The following PTPRT variants were observed in gnomAD, a reference collection of about 807,000 sequenced individuals.
The protein encoded by PTPRT is receptor-type tyrosine-protein phosphatase T.
PTPRT carries 56 observed loss-of-function variants against 176.8 expected under a neutral mutation model. That is an observed-to-expected ratio of 0.32 (90% confidence interval 0.26 to 0.40). The LOEUF is 0.40. Ranked by LOEUF, PTPRT falls within the 10% of genes least tolerant of loss-of-function variation. The pLI is 1.00. For synonymous variants in PTPRT, 783 were observed against 739.0 expected, an observed-to-expected ratio of 1.06 and a Z score of -0.96; for missense variants, 1,540 against 1,908.2, an observed-to-expected ratio of 0.81 and a Z score of 3.60.
At chr20:42,698,375 C>T (rs910503313) in intron 6 of PTPRT, among the ~76,000 whole-genome samples, 1 of 152,138 alleles carries the variant, frequency 6.6e-6, no homozygotes, top group African/African-American at 2.4e-5. Context: ...GCTTACAGGA[C>T]CCCTCTGAAA....
At chr20:42,405,945 TCTTG>T (rs1190779607) in intron 9 of PTPRT, among the ~76,000 whole-genome samples, 2 of 152,174 alleles carry the variant, frequency 1.3e-5, no homozygotes, top group East Asian at 3.8e-4. Context: ...AGCCTTAACT[TCTTG>T]GAAACTGAAA....
rs560030328 is a variant in PTPRT, at chr20:42,107,324, T to C, written c.3255-403A>G. ...AATGACAGGACAGAAACGAGAGTCC[T>C]CTGAGCTGTCCCCAAGACAGAGAGT... On this transcript the variant is annotated intron_variant, in intron 23 of 30. Coordinates refer to ENST00000373187, the MANE Select transcript of PTPRT (RefSeq NM_007050.6). Among the ~76,000 whole-genome samples, 230 of 152,276 alleles carry C rather than the reference T, an allele frequency of 1.5e-3. 1 individual carries two copies. The highest frequency in any genetic ancestry group is 2.5e-3 in the Non-Finnish European group (169 of 68,014).
At chr20:42,474,204 T>C (rs191027864) in intron 7 of PTPRT, among the ~76,000 whole-genome samples, 72 of 152,282 alleles carry the variant, frequency 4.7e-4, no homozygotes, top group African/African-American at 1.7e-3. Context: ...AGCACCCTTA[T>C]GCAAAATGAT....
At chr20:42,065,102 CAGTCA>C in the PTPRT span, among the ~76,000 whole-genome samples, 1 of 152,228 alleles carries the variant, frequency 6.6e-6, no homozygotes, top group South Asian at 2.1e-4. Context: ...ACATCCAGCC[CAGTCA>C]AGGCTTAAAG....
At chr20:42,204,734 T>C (rs1600672893) in intron 15 of PTPRT, among the ~76,000 whole-genome samples, 2 of 152,082 alleles carry the variant, frequency 1.3e-5, no homozygotes, top group African/African-American at 4.8e-5. Context: ...CTGTGATTTG[T>C]TCTGAGTGCC....
chr20:42,469,479 A>T (rs2071156761), intron 8 of PTPRT, among the ~76,000 whole-genome samples: 1 of 152,214 alleles, frequency 6.6e-6, no homozygotes, highest in African/African-American at 2.4e-5. Context: ...CTGGGATTAC[A>T]GGGTGAGCCA....
chr20:42,726,272 T>C (rs1230247273), intron 6 of PTPRT, among the ~76,000 whole-genome samples: 1 of 151,976 alleles, frequency 6.6e-6, no homozygotes, highest in East Asian at 1.9e-4. Flanking sequence ...AGAGATGGGG[T>C]TTCACCATGT....
At chr20:42,662,258 G>A (rs1429720153) in intron 7 of PTPRT, among the ~76,000 whole-genome samples, 2 of 152,124 alleles carry the variant, frequency 1.3e-5, no homozygotes, top group Admixed American at 1.3e-4. Flanking sequence ...TATTGATAAT[G>A]AGAGAGAAAG....
At chr20:42,273,983 A>G (rs1253781398) in intron 13 of PTPRT, among the ~76,000 whole-genome samples, 2 of 152,228 alleles carry the variant, frequency 1.3e-5, no homozygotes, top group African/African-American at 4.8e-5. Context: ...GGATAAATGC[A>G]GGAATGGGGA....
At position 42,098,612 on chromosome 20, in the gene PTPRT, TGATGAGGCCTGG is replaced by T. The variant is rs1361338779; in HGVS notation, c.3715-72_3715-61del. 4.4e-5 allele frequency: 70 copies of T among 1,600,610 alleles called. No individual in the cohort carries two copies. In the African/African-American group the frequency reaches 8.8e-4, roughly 20 times the overall value. On this transcript the variant is annotated intron_variant, in intron 26 of 30. Coordinates refer to ENST00000373187, the MANE Select transcript of PTPRT (RefSeq NM_007050.6). ...ACATCCATCAGTGATATTCTGATGA[TGATGAGGCCTGG>T]ACTGAGGCCAGAGGCTCCAGAGCCT...
chr20:42,560,954 T>C (rs1324307446), intron 7 of PTPRT, among the ~76,000 whole-genome samples: 5 of 152,160 alleles, frequency 3.3e-5, no homozygotes, highest in Admixed American at 2.6e-4. Context: ...AGCCTCTTTT[T>C]ATAATGACTC....
At chr20:42,375,888 G>A (rs529268958) in intron 9 of PTPRT, among the ~76,000 whole-genome samples, 1 of 152,168 alleles carries the variant, frequency 6.6e-6, no homozygotes, top group Admixed American at 6.5e-5. Flanking sequence ...GGGGGTGCCT[G>A]CTCAGAACAT....
At chr20:42,085,952 C>CT (rs200706584) in intron 27 of PTPRT, 99 bp from the exon 28 acceptor site, 176,714 of 1,032,350 alleles carry the variant, frequency 0.17, 2,146 homozygotes, top group East Asian at 0.28. Context: ...TTTTCTTTTT[C>CT]TTTTTTTTTT....
intron 4 of PTPRT, among the ~76,000 whole-genome samples, chr20:42,773,191 A>G (rs996987555): frequency 9.2e-5 from 14 of 152,142 alleles, no homozygotes; most frequent in Admixed American, 3.3e-4. Context: ...ACCCCTTTCC[A>G]TGCTATTTTT....
chr20:42,630,643 A>G (rs1319151181), intron 7 of PTPRT, among the ~76,000 whole-genome samples: 2 of 152,214 alleles, frequency 1.3e-5, no homozygotes, highest in African/African-American at 4.8e-5. Context: ...AACTTAATTC[A>G]TCCAATGCAT....
At chr20:42,597,909 T>C (rs897383883) in intron 7 of PTPRT, among the ~76,000 whole-genome samples, 4 of 152,194 alleles carry the variant, frequency 2.6e-5, no homozygotes, top group African/African-American at 7.2e-5. Flanking sequence ...ACAGCATATA[T>C]AGACCAAAAC....
intron 2 of PTPRT, among the ~76,000 whole-genome samples, chr20:42,827,472 T>C (rs907712220): frequency 1.2e-4 from 19 of 152,056 alleles, no homozygotes; most frequent in African/African-American, 4.6e-4. Flanking sequence ...AAAAAAGAAA[T>C]TAAGGCAGAC....
chr20:43,141,334 A>G (rs2013996248), intron 1 of PTPRT, among the ~76,000 whole-genome samples: 1 of 152,158 alleles, frequency 6.6e-6, no homozygotes, highest in Non-Finnish European at 1.5e-5. Flanking sequence ...TCAGTTATGC[A>G]TCTGTGATCA....
At chr20:42,299,955 C>T (rs867745115) in intron 12 of PTPRT, among the ~76,000 whole-genome samples, 107 of 150,556 alleles carry the variant, frequency 7.1e-4, no homozygotes, top group African/African-American at 2.4e-3. Flanking sequence ...CCACTTTTGC[C>T]TTTTATGATA....
Sources: gnomAD v4.1 joint callset for allele counts (sites outside exome capture counted in the v4.1 genomes callset) on GRCh38, gnomAD v4.1.1 for gene constraint, MANE v1.5 for transcripts, NCBI Gene and HGNC (gene_info 2026-07-23, HGNC 2026-07-21) for gene names.